PITX1: variants seen among roughly 807,000 people sequenced by gnomAD.
PITX1 encodes the protein paired like homeodomain 1.
PITX1 carries 5 observed loss-of-function variants against 24.1 expected under a neutral mutation model. That is an observed-to-expected ratio of 0.21 (90% CI 0.11 to 0.44). PITX1 has a LOEUF of 0.44. PITX1 is among the 20% of genes least tolerant of loss of function. The pLI is 0.99. For synonymous variants in PITX1, 213 were observed against 208.9 expected (o/e 1.02, Z -0.17); for missense variants, 401 against 455.4 (o/e 0.88, Z 1.09).
Position 135,033,133 on chromosome 5 carries a change from G to C in PITX1, c.169+580C>G, listed in dbSNP as rs1752489060. 2.9e-6 allele frequency: 1 copy of C among 350,440 alleles called. No homozygotes were observed. The allele number at this position is 350,440 out of a possible 1,614,324, so 21.7% of individuals were successfully genotyped here. ...CGCACGTGGGCCGGATCCCTTGATC[G>C]GCGTTCCGGCTGGCCTTGCTGGGAG... On this transcript the variant is annotated intron_variant, in intron 1 of 2. Coordinates refer to ENST00000265340, the MANE Select transcript of PITX1 (RefSeq NM_002653.5). The surrounding 1 kb of genome is among the most constrained non-coding windows in gnomAD (Gnocchi z 5.9).
rs751555498 is a variant in PITX1 at position 135,028,944 on chromosome 5, G to A, written c.780C>T (p.Gly260=). ...AGGCGGGAGTGCCGTACGGGCAAGC[G>A]CCCGGCGACATGGCCGAGTTGAGCG... ...GSSLNSAMSP[G]ACPYGTPASP... Residue 260 remains glycine (G), a synonymous_variant, in exon 3 of 3, where the codon GGC becomes GGT. Coordinates refer to ENST00000265340, the MANE Select transcript of PITX1 (RefSeq NM_002653.5). The A allele has an allele frequency of 6.2e-7, 1 of 1,614,038 alleles. No homozygotes were observed. Among genetic ancestry groups the A allele is most frequent in the Admixed American group, 1.7e-5 (1 of 60,022 alleles).
At chr5:135,032,259 A>C (rs1752467780) in intron 1 of PITX1, among the ~76,000 whole-genome samples, 1 of 152,240 alleles carries the variant, frequency 6.6e-6, no homozygotes, top group Non-Finnish European at 1.5e-5. Context: ...CACAGAGCAA[A>C]TGTAAATTAA....
Position 135,033,687 on chromosome 5 carries a change from C to T in PITX1, c.169+26G>A, listed in dbSNP as rs559110406. On this transcript the variant is annotated intron_variant, in intron 1 of 2. Transcript: ENST00000265340. This position sits in a 1 kb window ranked among gnomAD's most constrained non-coding sequence, Gnocchi z 5.9. ...GCTCCGCGCCCGGGTAGGCTCTGTG[C>T]GCGCCGCGCGGGGAACGGCGCTTAC... The T allele has an allele frequency of 3.1e-6, 5 of 1,591,376 alleles. No homozygotes were observed. The East Asian group carries it at 9.0e-5, about 29-fold the overall frequency.
rs775403895 is a variant in PITX1 at position 135,033,092 on chromosome 5, C to T, written c.169+621G>A. 72 of 411,182 alleles carry T rather than the reference C, an allele frequency of 1.8e-4. No individual in the cohort carries two copies. The highest frequency in any genetic ancestry group is 3.3e-4 in the Non-Finnish European group (68 of 206,288). The allele number at this position is 411,182 out of a possible 1,614,324, so 25.5% of individuals were successfully genotyped here. Reference sequence around the variant, plus strand: ...CGGGGCGGGGGCCAGAGCCGGGCTGCTCCGGGCTTCGGCCGCGCACGTGGG... The same window carrying T: ...CGGGGCGGGGGCCAGAGCCGGGCTGTTCCGGGCTTCGGCCGCGCACGTGGG... On this transcript the variant is annotated intron_variant, in intron 1 of 2. Coordinates refer to ENST00000265340, the MANE Select transcript of PITX1 (RefSeq NM_002653.5). This position sits in a 1 kb window ranked among gnomAD's most constrained non-coding sequence, Gnocchi z 5.9.
At position 135,031,639 on chromosome 5, in the gene PITX1, A is replaced by G. The variant is rs11959243; in HGVS notation, c.170-131T>C. The G allele has an allele frequency of 0.13, 97,310 of 743,258 alleles. 9,748 individuals carry two copies. The highest frequency in any genetic ancestry group is 0.42 in the African/African-American group (23,920 of 56,636). The allele number at this position is 743,258 out of a possible 1,614,324, so 46.0% of individuals were successfully genotyped here. A position where few individuals can be genotyped will look rare whatever the true frequency, so the allele number is the denominator to read the frequency against. On this transcript the variant is annotated intron_variant, in intron 1 of 2. Transcript: ENST00000265340. ...CTCCCTCCCTCTAGGGTTCCTGGGA[A>G]CTGTCCCCACTGGAAAGCGCCCGCC...
Position 135,033,797 on chromosome 5 carries a change from GC to G in PITX1, c.84del (p.Ala30ProfsTer75). On this transcript the variant is annotated frameshift_variant, in exon 1 of 3. Transcript: ENST00000265340. LOFTEE classifies it high-confidence loss of function. This position sits in a 1 kb window ranked among gnomAD's most constrained non-coding sequence, Gnocchi z 5.9. ...RPPPPPPHDM[G>X]PAFHLARPAD... ...GCGGGCCGGGCCAGGTGGAAGGCGGGCCCCATGTCATGGGGTGGCGGCGGCG... is the reference window on the plus strand; with the variant it reads ...GCGGGCCGGGCCAGGTGGAAGGCGGGCCCATGTCATGGGGTGGCGGCGGCG... The G allele has an allele frequency of 6.3e-7, 1 of 1,577,608 alleles. No homozygotes were observed.
chr5:135,031,396 C>A lies in PITX1; in HGVS notation c.282G>T (p.Thr94=), dbSNP rs147452369. 15 of 1,613,966 alleles carry A rather than the reference C, an allele frequency of 9.3e-6. No individual in the cohort carries two copies. The highest frequency in any genetic ancestry group is 1.1e-5 in the Non-Finnish European group (13 of 1,179,946). Residue 94 remains threonine (T), a synonymous_variant, in exon 2 of 3, where the codon ACG becomes ACT. Coordinates refer to ENST00000265340, the MANE Select transcript of PITX1 (RefSeq NM_002653.5). ...CTTGCAACTGCTGGCTTGTGAAGTG[C>A]GTACGTTGCCGCCGCTGCTTCTTCT... ...AKKKKQRRQR[T]HFTSQQLQEL... is the part of the protein sequence containing the mutation.
Position 135,033,529 on chromosome 5 carries a change from C to T in PITX1, c.169+184G>A. On this transcript the variant is annotated intron_variant, in intron 1 of 2. Transcript: ENST00000265340. The surrounding 1 kb of genome is among the most constrained non-coding windows in gnomAD (Gnocchi z 5.9). The stretch of plus-strand genomic sequence containing the variant: ...GCGCGTGGGGACCGCGTGGAAGTGC[C>T]TTCGCGTGTGCGTAAGTTTCCGCGT... 1.5e-6 allele frequency: 1 copy of T among 646,286 alleles called. No homozygotes were observed. The highest frequency in any genetic ancestry group is 2.6e-6 in the Non-Finnish European group (1 of 378,854). 40.0% of individuals were successfully genotyped at this position (646,286 alleles called of 1,614,324 possible). A position where few individuals can be genotyped will look rare whatever the true frequency, so the allele number is the denominator to read the frequency against.
At chr5:135,029,647 CTCTA>C (rs1400597218) in intron 2 of PITX1, among the ~76,000 whole-genome samples, 2 of 152,332 alleles carry the variant, frequency 1.3e-5, no homozygotes, top group East Asian at 3.9e-4. Flanking sequence ...AACAGGTTCG[CTCTA>C]TCTACTAAAT....
In PITX1 at chr5:135,033,929, C is replaced by T; in HGVS notation, c.-48G>A. On this transcript the variant is annotated 5_prime_UTR_variant, in exon 1 of 3. Coordinates refer to ENST00000265340, the MANE Select transcript of PITX1 (RefSeq NM_002653.5). The surrounding 1 kb of genome is among the most constrained non-coding windows in gnomAD (Gnocchi z 5.9). Reference sequence around the variant, plus strand: ...GCTCCAGGGGCCGGGGCTGGGCGCGCCCCGCCGCCCTGGCTGCGACCTGCG... The same window carrying T: ...GCTCCAGGGGCCGGGGCTGGGCGCGTCCCGCCGCCCTGGCTGCGACCTGCG... 1.6e-6 allele frequency: 2 copies of T among 1,216,018 alleles called. No homozygotes were observed. Among genetic ancestry groups the T allele is most frequent in the Non-Finnish European group, 2.1e-6 (2 of 957,252 alleles). 75.3% of individuals were successfully genotyped at this position (1,216,018 alleles called of 1,614,324 possible).
intron 1 of PITX1, chr5:135,032,815 C>A: frequency 6.3e-6 from 2 of 319,078 alleles, no homozygotes; most frequent in Non-Finnish European, 6.2e-6. Flanking sequence ...TCAGAAAAAT[C>A]ACTTAGGGAT....
rs1561470378 is a variant in PITX1, at chr5:135,028,601, G to A, written c.*178C>T. 3.9e-6 allele frequency: 1 copy of A among 253,496 alleles called. No individual in the cohort carries two copies. The highest frequency in any genetic ancestry group is 6.2e-5 in the East Asian group (1 of 16,146). 15.7% of individuals were successfully genotyped at this position (253,496 alleles called of 1,614,324 possible). ...CTTTTTGGAGGGCAGAGTGGGGTCCGGAAAAGCAAACACAAAACCAACCCG... is the reference window on the plus strand; with the variant it reads ...CTTTTTGGAGGGCAGAGTGGGGTCCAGAAAAGCAAACACAAAACCAACCCG... On this transcript the variant is annotated 3_prime_UTR_variant, in exon 3 of 3. Coordinates refer to ENST00000265340, the MANE Select transcript of PITX1 (RefSeq NM_002653.5).
intron 1 of PITX1, chr5:135,032,889 C>T (rs1370455314): frequency 1.0e-5 from 4 of 401,970 alleles, no homozygotes; most frequent in Non-Finnish European, 2.0e-5. Context: ...AAGAAATGAA[C>T]GCAGAAGAGG....
Position 135,033,390 on chromosome 5 carries a change from T to A in PITX1, c.169+323A>T, listed in dbSNP as rs1464906347. The A allele has an allele frequency of 7.6e-6, 3 of 392,520 alleles. No homozygotes were observed. The highest frequency in any genetic ancestry group is 1.4e-5 in the Non-Finnish European group (3 of 214,080). 24.3% of individuals were successfully genotyped at this position (392,520 alleles called of 1,614,324 possible). On this transcript the variant is annotated intron_variant, in intron 1 of 2. Coordinates refer to ENST00000265340, the MANE Select transcript of PITX1 (RefSeq NM_002653.5). This position sits in a 1 kb window ranked among gnomAD's most constrained non-coding sequence, Gnocchi z 5.9. ...CCTCCTCTCCCTTCGTCCGAGCCGC[T>A]CCTTAGCGCCCAGTTGCGCAAATCA...
In PITX1 at chr5:135,029,105, G is replaced by C. The variant is rs1450755660; in HGVS notation, c.619C>G (p.Pro207Ala). The part of the protein sequence containing the change: ...KSFTFFNSMS[P>A]LSSQSMFSAP... ...GAGAACATGGACTGCGACGACAGCG[G>C]GCTCATGGAGTTGAAGAAGGTGAAG... The change falls in exon 3 of 3, where the codon CCG (proline) becomes GCG (alanine). Residue 207 changes from proline to alanine, a missense_variant. This residue lies in a region of PITX1 where 217 missense variants were observed against 219.8 expected (regional missense o/e 0.99). Transcript: ENST00000265340. 6.2e-7 allele frequency: 1 copy of C among 1,614,130 alleles called. No homozygotes were observed. Among genetic ancestry groups the C allele is most frequent in the Non-Finnish European group, 8.5e-7 (1 of 1,180,046 alleles).
intron 1 of PITX1, 60 bp from the exon 2 acceptor site, chr5:135,031,568 C>A (rs1008752720): frequency 7.2e-7 from 1 of 1,390,642 alleles, no homozygotes. Context: ...CACCCCGTCC[C>A]GGCTCCACCG....
At chr5:135,034,355 C>G (rs1043853984), upstream of PITX1, 2 of 152,006 alleles carry the variant, frequency 1.3e-5, no homozygotes, top group Admixed American at 1.3e-4. Flanking sequence ...GAATCCAGCC[C>G]CAAGCCGCCC....
intron 1 of PITX1, among the ~76,000 whole-genome samples, chr5:135,032,461 AG>A (rs966429687): frequency 6.6e-6 from 1 of 152,256 alleles, no homozygotes; most frequent in Non-Finnish European, 1.5e-5. Flanking sequence ...AACACATTAT[AG>A]TTAGATAATT....
chr5:135,031,378 C>T lies in PITX1; in HGVS notation c.300G>A (p.Gln100=). 1 of 1,614,124 alleles carries T rather than the reference C, an allele frequency of 6.2e-7. No individual in the cohort carries two copies. The highest frequency in any genetic ancestry group is 8.5e-7 in the Non-Finnish European group (1 of 1,179,960). ...RRQRTHFTSQ[Q]LQELEATFQR... ...GGAACGTGGCCTCTAGCTCTTGCAACTGCTGGCTTGTGAAGTGCGTACGTT... is the reference window on the plus strand; with the variant it reads ...GGAACGTGGCCTCTAGCTCTTGCAATTGCTGGCTTGTGAAGTGCGTACGTT... Residue 100 remains glutamine (Q), a synonymous_variant, in exon 2 of 3, where the codon CAG becomes CAA. Coordinates refer to ENST00000265340, the MANE Select transcript of PITX1 (RefSeq NM_002653.5).
Sources: gnomAD v4.1 joint callset for allele counts (sites outside exome capture counted in the v4.1 genomes callset) on GRCh38, gnomAD v4.1.1 for gene constraint, gnomAD v4.1.1 regional missense constraint, Gnocchi (gnomAD v3.1) non-coding constraint, MANE v1.5 for transcripts, NCBI Gene and HGNC (gene_info 2026-07-23, HGNC 2026-07-21) for gene names.